RNF216: variants seen among roughly 807,000 people sequenced by gnomAD.
RNF216 encodes E3 ubiquitin-protein ligase RNF216.
Under a neutral mutation model 110.8 loss-of-function variants are expected in RNF216, and 72 were observed. That is an observed-to-expected ratio of 0.65 (90% CI 0.54 to 0.79). The LOEUF is 0.79. Among genes scored for constraint, RNF216 ranks in the 30% least tolerant of loss-of-function variants. RNF216 has a pLI of 0.00. For missense variants in RNF216, 1,342 were observed against 1,141.2 expected, an observed-to-expected ratio of 1.18 and a Z score of -2.54; for synonymous variants, 495 against 407.5, an observed-to-expected ratio of 1.21 and a Z score of -2.59.
At chr7:5,666,943 T>C (rs1789570561) in intron 13 of RNF216, among the ~76,000 whole-genome samples, 1 of 151,348 alleles carries the variant, frequency 6.6e-6, no homozygotes, top group Non-Finnish European at 1.5e-5. Context: ...GTGCCCAGAG[T>C]AGCTGTGACC....
chr7:5,771,276 C>T (rs549448609), intron 1 of RNF216, among the ~76,000 whole-genome samples: 2 of 152,244 alleles, frequency 1.3e-5, no homozygotes, highest in Non-Finnish European at 2.9e-5. Flanking sequence ...GATAACTACA[C>T]ATTTAAACAG....
intron 14 of RNF216, among the ~76,000 whole-genome samples, chr7:5,650,431 C>T (rs909922104): frequency 6.6e-6 from 1 of 152,218 alleles, no homozygotes; most frequent in Non-Finnish European, 1.5e-5. Context: ...AGAAACATCT[C>T]ACAGCCTGCT....
rs187443994 is a variant in RNF216, at chr7:5,693,968, A to G, written c.2061+17793T>C. 3.0e-3 allele frequency among the ~76,000 whole-genome samples: 457 copies of G among 152,298 alleles called. 5 individuals carry two copies. Among genetic ancestry groups the G allele is most frequent in the African/African-American group, 0.011 (443 of 41,548 alleles). ...TTCACTTGCTGTTGTTGACCAAAAA[A>G]ACAAAGGCTTCCAACATTTCCACAA... On this transcript the variant is annotated intron_variant, in intron 13 of 16. Transcript: ENST00000389902.
intron 13 of RNF216, among the ~76,000 whole-genome samples, chr7:5,653,935 C>A (rs376529733): frequency 6.6e-6 from 1 of 152,178 alleles, no homozygotes; most frequent in African/African-American, 2.4e-5. Context: ...GAGGCCTGCA[C>A]GCACCAGACC....
intron 3 of RNF216, among the ~76,000 whole-genome samples, chr7:5,750,456 C>T (rs931032552): frequency 6.6e-6 from 1 of 152,170 alleles, no homozygotes; most frequent in African/African-American, 2.4e-5. Context: ...ATGGGAGTGA[C>T]TTAGAGAGGA....
intron 1 of RNF216, among the ~76,000 whole-genome samples, chr7:5,769,258 C>A (rs757984285): frequency 6.6e-6 from 1 of 151,840 alleles, no homozygotes; most frequent in Admixed American, 6.6e-5. Flanking sequence ...GCTGGGACTA[C>A]AGGCGTGCGC....
At chr7:5,663,803 C>A (rs1193427135) in intron 13 of RNF216, among the ~76,000 whole-genome samples, 1 of 151,956 alleles carries the variant, frequency 6.6e-6, no homozygotes, top group Non-Finnish European at 1.5e-5. Context: ...GAGGCTGAGA[C>A]AGAAGAATCA....
At chr7:5,643,322 G>A (rs905841544) in intron 14 of RNF216, among the ~76,000 whole-genome samples, 2 of 151,450 alleles carry the variant, frequency 1.3e-5, no homozygotes, top group African/African-American at 4.9e-5. Context: ...AGTGAAAAAT[G>A]GGGAAAAATC....
intron 1 of RNF216, among the ~76,000 whole-genome samples, chr7:5,772,196 G>T (rs1206643852): frequency 2.0e-5 from 3 of 152,206 alleles, no homozygotes; most frequent in Non-Finnish European, 4.4e-5. Flanking sequence ...TCAAGCCATT[G>T]CACTCCAGCC....
chr7:5,746,436 T>C (rs1330254251), intron 3 of RNF216, among the ~76,000 whole-genome samples: 1 of 152,196 alleles, frequency 6.6e-6, no homozygotes, highest in Non-Finnish European at 1.5e-5. Context: ...GCTGCTAGCA[T>C]ACAGGGGTGC....
At chr7:5,707,525 T>G (rs1027831578) in intron 13 of RNF216, among the ~76,000 whole-genome samples, 3 of 152,150 alleles carry the variant, frequency 2.0e-5, no homozygotes, top group African/African-American at 7.2e-5. Flanking sequence ...AGTTTTTTTG[T>G]GGAAATTGCA....
chr7:5,760,332 C>A (rs971407966), intron 2 of RNF216: 46 of 230,428 alleles, frequency 2.0e-4, no homozygotes, highest in African/African-American at 1.1e-3. Context: ...GCCTGAACAA[C>A]GTGGAGAAAC....
intron 2 of RNF216, among the ~76,000 whole-genome samples, chr7:5,759,817 G>C (rs955348791): frequency 2.6e-5 from 4 of 151,872 alleles, no homozygotes; most frequent in African/African-American, 9.7e-5. Flanking sequence ...TTTTTTAGTA[G>C]AGATGGGATT....
intron 15 of RNF216, among the ~76,000 whole-genome samples, chr7:5,628,759 G>A (rs934219541): frequency 6.6e-6 from 1 of 151,514 alleles, no homozygotes; most frequent in South Asian, 2.1e-4. Context: ...GGGCTCAAGC[G>A]ATGCACCCAA....
rs536461258 is a variant in RNF216, at chr7:5,675,663, C to T, written c.2062-23153G>A. ...CAAAACAAACAAACAAACAAACAAA[C>T]GAACAAAGGAGCAAGGTCATGAAGC... is the stretch of plus-strand genomic sequence containing the variant. On this transcript the variant is annotated intron_variant, in intron 13 of 16. Transcript: ENST00000389902. 9.9e-5 allele frequency among the ~76,000 whole-genome samples: 15 copies of T among 151,624 alleles called. No individual in the cohort carries two copies. In the South Asian group the frequency reaches 2.5e-3, roughly 25 times the overall value.
intron 1 of RNF216, among the ~76,000 whole-genome samples, chr7:5,775,631 A>G (rs1389604283): frequency 6.6e-6 from 1 of 151,854 alleles, no homozygotes. Flanking sequence ...AAACTTTGAG[A>G]GGCCGAGGTG....
At chr7:5,776,307 G>A (rs1158751413) in intron 1 of RNF216, among the ~76,000 whole-genome samples, 1 of 152,018 alleles carries the variant, frequency 6.6e-6, no homozygotes, top group African/African-American at 2.4e-5. Flanking sequence ...ACTATAGCCG[G>A]GCACGGTGGC....
At chr7:5,734,403 T>C (rs927582288) in intron 5 of RNF216, among the ~76,000 whole-genome samples, 1 of 152,224 alleles carries the variant, frequency 6.6e-6, no homozygotes, top group Non-Finnish European at 1.5e-5. Context: ...ATAGCAACGT[T>C]CTATTTCTTG....
At chr7:5,669,505 A>G (rs1213335844) in intron 13 of RNF216, among the ~76,000 whole-genome samples, 1 of 152,182 alleles carries the variant, frequency 6.6e-6, no homozygotes, top group East Asian at 1.9e-4. Context: ...GTAAGAGACC[A>G]AAAGATGCTA....
Sources: allele counts gnomAD v4.1 joint callset (sites outside exome capture counted in the v4.1 genomes callset), GRCh38; gene constraint gnomAD v4.1.1; transcripts MANE v1.5; gene names NCBI Gene and HGNC (gene_info 2026-07-23, HGNC 2026-07-21).